PIK3C2G: variants seen among roughly 807,000 people sequenced by gnomAD.
PIK3C2G encodes the protein phosphatidylinositol 3-kinase C2 domain-containing subunit gamma.
Under a neutral mutation model 181.1 loss-of-function variants are expected in PIK3C2G, and 168 were observed. That is an observed-to-expected ratio of 0.93 (90% CI 0.82 to 1.05). The LOEUF is 1.05. Ranked by LOEUF, PIK3C2G falls within the 50% of genes least tolerant of loss-of-function variation. The pLI, the probability that PIK3C2G is intolerant of heterozygous loss-of-function variation, is 0.00. For synonymous variants in PIK3C2G, 573 were observed against 592.2 expected (o/e 0.97, Z 0.47); for missense variants, 1,869 against 1,732.8 (o/e 1.08, Z -1.40).
chr12:18,347,516 C>G (rs1939784111), intron 11 of PIK3C2G, among the ~76,000 whole-genome samples: 1 of 152,072 alleles, frequency 6.6e-6, no homozygotes, highest in Non-Finnish European at 1.5e-5. Context: ...TTTCAGTAAA[C>G]ATTCAACTTT....
At chr12:18,531,925 T>C (rs1377809331) in intron 24 of PIK3C2G, among the ~76,000 whole-genome samples, 2 of 152,080 alleles carry the variant, frequency 1.3e-5, no homozygotes, top group African/African-American at 4.8e-5. Context: ...GGTAGTTGTA[T>C]CTTGTTGTTG....
At chr12:18,588,133 A>G (rs1259856897) in intron 29 of PIK3C2G, among the ~76,000 whole-genome samples, 1 of 152,040 alleles carries the variant, frequency 6.6e-6, no homozygotes, top group East Asian at 1.9e-4. Flanking sequence ...TATAAAACCC[A>G]AAACTATAAA....
intron 24 of PIK3C2G, among the ~76,000 whole-genome samples, chr12:18,520,002 T>TAAAAAAAA (rs889312316): frequency 2.4e-4 from 11 of 46,312 alleles, no homozygotes; most frequent in African/African-American, 4.1e-4. Flanking sequence ...CAATAAATAC[T>TAAAAAAAA]AAAAAAAAAA....
intron 14 of PIK3C2G, among the ~76,000 whole-genome samples, chr12:18,385,618 G>C (rs1328540537): frequency 2.6e-5 from 4 of 152,022 alleles, no homozygotes; most frequent in Non-Finnish European, 5.9e-5. Context: ...GCCCAGGCTG[G>C]AGTGCAGTGG....
At chr12:18,665,836 G>A in the PIK3C2G span, among the ~76,000 whole-genome samples, 1 of 151,744 alleles carries the variant, frequency 6.6e-6, no homozygotes, top group African/African-American at 2.4e-5. Context: ...TTGGGAGGCT[G>A]AGGCAGGGGA....
intron 26 of PIK3C2G, among the ~76,000 whole-genome samples, chr12:18,560,036 G>A (rs1945267188): frequency 6.6e-6 from 1 of 151,186 alleles, no homozygotes; most frequent in African/African-American, 2.4e-5. Flanking sequence ...GTAGAGATGG[G>A]GTTTCACTGG....
intron 18 of PIK3C2G, among the ~76,000 whole-genome samples, chr12:18,459,451 A>G (rs555268155): frequency 3.3e-5 from 5 of 152,188 alleles, no homozygotes; most frequent in Non-Finnish European, 7.3e-5. Context: ...ACTACAACAG[A>G]TTTCTCAAAT....
At chr12:18,685,545 T>C in the PIK3C2G span, 2 of 414,150 alleles carry the variant, frequency 4.8e-6, no homozygotes, top group East Asian at 6.0e-5. Context: ...TTTCTATGGT[T>C]CACCTGTGGT....
At chr12:18,531,346 T>C (rs145115649) in intron 24 of PIK3C2G, among the ~76,000 whole-genome samples, 2 of 152,320 alleles carry the variant, frequency 1.3e-5, no homozygotes, top group Non-Finnish European at 2.9e-5. Flanking sequence ...CATATGCAGT[T>C]GTAATAAATA....
intron 20 of PIK3C2G, among the ~76,000 whole-genome samples, chr12:18,494,541 G>T (rs57904563): frequency 6.6e-6 from 1 of 151,948 alleles, no homozygotes; most frequent in Non-Finnish European, 1.5e-5. Flanking sequence ...AATATATACC[G>T]CACATGAAAA....
rs763882063 is a variant in PIK3C2G, at chr12:18,496,116, G to C, written c.2848G>C (p.Ala950Pro). Residue 950 changes from alanine to proline, a missense_variant, in exon 21 of 33, where the codon GCT (alanine) becomes CCT (proline). Coordinates refer to ENST00000538779, the MANE Select transcript of PIK3C2G (RefSeq NM_001288772.2). Reference protein sequence around the residue: ...ALPLKITFINANPMGKNISII... With the variant: ...ALPLKITFINPNPMGKNISII... ...GCCATTGAAGATTACTTTCATCAAT[G>C]CTAATCCGATGGGCAAAAACATCAG... 9.7e-6 allele frequency: 15 copies of C among 1,545,752 alleles called. No homozygotes were observed. The highest frequency in any genetic ancestry group is 1.3e-5 in the Non-Finnish European group (15 of 1,143,444).
At chr12:18,598,852 C>T (rs1345401107) in intron 30 of PIK3C2G, among the ~76,000 whole-genome samples, 1 of 151,806 alleles carries the variant, frequency 6.6e-6, no homozygotes, top group Non-Finnish European at 1.5e-5. Flanking sequence ...TGAACAGACG[C>T]TTCTCAAAAG....
intron 24 of PIK3C2G, among the ~76,000 whole-genome samples, chr12:18,535,419 ATATGTT>A (rs142109065): frequency 6.6e-6 from 1 of 152,152 alleles, no homozygotes; most frequent in East Asian, 1.9e-4. Context: ...TTTAATTTGT[ATATGTT>A]TCTTTTGTGT....
At chr12:18,610,858 A>G (rs936904946) in intron 31 of PIK3C2G, among the ~76,000 whole-genome samples, 1 of 152,140 alleles carries the variant, frequency 6.6e-6, no homozygotes, top group African/African-American at 2.4e-5. Flanking sequence ...TATGAAAATT[A>G]GTCTTGAACA....
At chr12:18,576,889 G>T (rs1428160496) in intron 29 of PIK3C2G, among the ~76,000 whole-genome samples, 1 of 152,186 alleles carries the variant, frequency 6.6e-6, no homozygotes, top group Admixed American at 6.5e-5. Flanking sequence ...TAGCTGTAAA[G>T]GAAAGTGCTA....
At chr12:18,301,568 T>C (rs1314813084) in intron 5 of PIK3C2G, among the ~76,000 whole-genome samples, 1 of 152,074 alleles carries the variant, frequency 6.6e-6, no homozygotes, top group Non-Finnish European at 1.5e-5. Context: ...GTTCCTTTTT[T>C]ATTATTTTTG....
intron 22 of PIK3C2G, 94 bp from the exon 23 acceptor site, chr12:18,503,187 C>G: frequency 1.2e-6 from 1 of 827,482 alleles, no homozygotes; most frequent in African/African-American, 1.8e-5. Context: ...AGGGGTAATC[C>G]AGTAGTGCTG....
the PIK3C2G span, chr12:18,693,437 G>A: frequency 3.1e-6 from 5 of 1,604,858 alleles, no homozygotes; most frequent in Non-Finnish European, 4.2e-6. Flanking sequence ...AGCCTCCAAG[G>A]GGGTCATTCT....
the PIK3C2G span, among the ~76,000 whole-genome samples, chr12:18,703,575 C>G: frequency 6.6e-6 from 1 of 152,136 alleles, no homozygotes; most frequent in Non-Finnish European, 1.5e-5. Context: ...GATAGAGAAC[C>G]TTGTGATTAC....
Sources: allele counts gnomAD v4.1 joint callset (sites outside exome capture counted in the v4.1 genomes callset), GRCh38; gene constraint gnomAD v4.1.1; transcripts MANE v1.5; gene names NCBI Gene and HGNC (gene_info 2026-07-23, HGNC 2026-07-21).